Variants in SLTM observed in about 807,000 individuals in gnomAD.
SLTM encodes SAFB like transcription modulator, also known as SAFB-like transcription modulator.
Under a neutral mutation model 134.6 loss-of-function variants are expected in SLTM, and 43 were observed. The ratio of observed to expected loss-of-function variants is 0.32; its 90% confidence interval spans 0.25 to 0.41. SLTM has a LOEUF of 0.41. SLTM is among the 10% of genes least tolerant of loss of function. SLTM has a pLI of 1.00. For missense variants in SLTM, 1,055 were observed against 1,288.8 expected (o/e 0.82, Z 2.78); for synonymous variants, 424 against 432.3 (o/e 0.98, Z 0.24).
intron 2 of SLTM, 84 bp downstream of exon 2, chr15:58,932,272 T>C (rs1441474176): frequency 7.0e-6 from 7 of 1,004,652 alleles, no homozygotes; most frequent in Non-Finnish European, 9.5e-6. Context: ...AGTAGCACTA[T>C]ATAAACAGGG....
intron 13 of SLTM, 107 bp from the exon 14 acceptor site, chr15:58,893,167 T>A: frequency 7.1e-7 from 1 of 1,409,322 alleles, no homozygotes; most frequent in Non-Finnish European, 9.7e-7. Context: ...AACATTTCCT[T>A]TTTCTTGGGT....
chr15:58,915,060 G>A (rs1161605898), intron 3 of SLTM, among the ~76,000 whole-genome samples: 1 of 152,092 alleles, frequency 6.6e-6, no homozygotes, highest in East Asian at 1.9e-4. Context: ...GCCTGGTGCG[G>A]TAAGCCGGTA....
chr15:58,909,941 A>G (rs1438008720), intron 5 of SLTM, among the ~76,000 whole-genome samples: 1 of 152,238 alleles, frequency 6.6e-6, no homozygotes, highest in Non-Finnish European at 1.5e-5. Flanking sequence ...AGAGGAAAAC[A>G]GATGGAAGGG....
intron 5 of SLTM, among the ~76,000 whole-genome samples, chr15:58,911,676 TG>T (rs1856689748): frequency 6.6e-6 from 1 of 152,232 alleles, no homozygotes. Context: ...ATAATTTTTA[TG>T]TAGAAACTGA....
chr15:58,903,982 TTC>T (rs533063323), intron 5 of SLTM, among the ~76,000 whole-genome samples: 468 of 152,274 alleles, frequency 3.1e-3, no homozygotes, highest in Non-Finnish European at 4.5e-3. Context: ...TTTAAGTATT[TTC>T]TCTCTCTCTT....
At chr15:58,882,183 A>AAAAAAAAAAAAAAAAAAAAAAAAAAAC (rs1351227475) in intron 20 of SLTM, among the ~76,000 whole-genome samples, 1 of 148,140 alleles carries the variant, frequency 6.8e-6, no homozygotes, top group Non-Finnish European at 1.5e-5. Flanking sequence ...CTCTGTCTCA[A>AAAAAAAAAAAAAAAAAAAAAAAAAAAC]AAAAAAAAAA....
intron 8 of SLTM, chr15:58,898,539 C>T: frequency 2.9e-6 from 1 of 348,510 alleles, no homozygotes; most frequent in South Asian, 3.1e-5. Context: ...CAACACAGTC[C>T]CTTAGAACAC....
chr15:58,932,745 G>A (rs1228700117), intron 1 of SLTM, among the ~76,000 whole-genome samples: 1 of 152,218 alleles, frequency 6.6e-6, no homozygotes, highest in Non-Finnish European at 1.5e-5. Flanking sequence ...AAAGTTGCTA[G>A]CTACTAAAGT....
At chr15:58,924,197 T>C (rs2037303094) in intron 2 of SLTM, among the ~76,000 whole-genome samples, 2 of 152,132 alleles carry the variant, frequency 1.3e-5, no homozygotes, top group African/African-American at 4.8e-5. Context: ...AAATAAAAAA[T>C]GAAAGCAAGA....
intron 3 of SLTM, among the ~76,000 whole-genome samples, chr15:58,916,141 G>A (rs1223590823): frequency 2.0e-5 from 3 of 151,408 alleles, no homozygotes; most frequent in African/African-American, 4.8e-5. Flanking sequence ...ATCTTTAAAG[G>A]GCAAAATAAA....
intron 2 of SLTM, among the ~76,000 whole-genome samples, chr15:58,928,667 AT>A (rs1359893725): frequency 3.3e-5 from 5 of 152,246 alleles, no homozygotes; most frequent in Admixed American, 2.6e-4. Flanking sequence ...CCCTATAGTT[AT>A]TTTATAAAAG....
intron 3 of SLTM, 170 bp from the exon 4 acceptor site, chr15:58,913,866 C>CT (rs2141129966): frequency 1.9e-6 from 1 of 518,894 alleles, no homozygotes; most frequent in African/African-American, 1.9e-5. Context: ...AAAAATAGGT[C>CT]TAATACCAAG....
chr15:58,929,553 A>G (rs2037723599), intron 2 of SLTM, among the ~76,000 whole-genome samples: 1 of 152,198 alleles, frequency 6.6e-6, no homozygotes, highest in African/African-American at 2.4e-5. Context: ...AAGTTTCCCT[A>G]TACAAATTTG....
chr15:58,925,715 T>C (rs895297003), intron 2 of SLTM, among the ~76,000 whole-genome samples: 2 of 152,210 alleles, frequency 1.3e-5, no homozygotes, highest in Admixed American at 6.5e-5. Context: ...CAAAGGTATA[T>C]TTTTCAAATA....
chr15:58,919,534 G>A (rs906832441), intron 2 of SLTM, among the ~76,000 whole-genome samples: 8 of 151,868 alleles, frequency 5.3e-5, no homozygotes, highest in African/African-American at 1.5e-4. Flanking sequence ...CAGGAGGTGG[G>A]AGAACTGCTT....
intron 9 of SLTM, 127 bp from the exon 10 acceptor site, chr15:58,894,709 T>TTTG: frequency 4.5e-6 from 4 of 891,624 alleles, no homozygotes; most frequent in Non-Finnish European, 4.9e-6. Context: ...TCTCATGTTT[T>TTTG]TTTTTTTTTT....
At chr15:58,929,951 T>A (rs1448865287) in intron 2 of SLTM, among the ~76,000 whole-genome samples, 5 of 152,142 alleles carry the variant, frequency 3.3e-5, no homozygotes, top group South Asian at 2.1e-4. Flanking sequence ...TCAATAAGCA[T>A]CTTTATTGTA....
intron 11 of SLTM, 25 bp downstream of exon 11, chr15:58,894,061 AAAAT>A (rs769042551): frequency 1.0e-5 from 16 of 1,592,508 alleles, no homozygotes; most frequent in Non-Finnish European, 1.3e-5. Context: ...TCTGCTTATC[AAAAT>A]AAATAAATAA....
chr15:58,930,612 C>T (rs1337174599), intron 2 of SLTM, among the ~76,000 whole-genome samples: 2 of 151,670 alleles, frequency 1.3e-5, no homozygotes, highest in East Asian at 3.9e-4. Flanking sequence ...ACCAGGGAGG[C>T]TAAGGTGGGA....
Sources: allele counts gnomAD v4.1 joint callset (sites outside exome capture counted in the v4.1 genomes callset), GRCh38; gene constraint gnomAD v4.1.1; transcripts MANE v1.5; gene names NCBI Gene and HGNC (gene_info 2026-07-23, HGNC 2026-07-21).